Variants in EP300 observed in about 807,000 individuals in gnomAD.
EP300 encodes EP300 lysine acetyltransferase.
EP300 carries 31 observed loss-of-function variants against 264.0 expected under a neutral mutation model. The observed-to-expected ratio is 0.12, with a 90% CI of 0.09 to 0.16. The LOEUF (loss-of-function observed/expected upper bound fraction) is 0.16, where lower values mean the gene tolerates loss of function less well. EP300 is among the 10% of genes least tolerant of loss of function. EP300 has a pLI of 1.00. For missense variants in EP300, 2,766 were observed against 3,052.9 expected, an observed-to-expected ratio of 0.91 and a Z score of 2.21; for synonymous variants, 1,340 against 1,045.4, an observed-to-expected ratio of 1.28 and a Z score of -5.44.
chr22:41,098,819 C>T (rs967427176), intron 1 of EP300, among the ~76,000 whole-genome samples: 1 of 152,166 alleles, frequency 6.6e-6, no homozygotes, highest in Non-Finnish European at 1.5e-5. Context: ...GGGCCAAATA[C>T]TTAACCTGGC....
chr22:41,166,314 CT>C (rs2059133880), intron 22 of EP300, among the ~76,000 whole-genome samples: 1 of 152,220 alleles, frequency 6.6e-6, no homozygotes, highest in African/African-American at 2.4e-5. Context: ...TTTTTCTCCC[CT>C]ATCACATTAG....
Position 41,179,287 on chromosome 22 carries a change from TA to T in EP300, c.*332del, listed in dbSNP as rs902172354. On this transcript the variant is annotated 3_prime_UTR_variant, in exon 31 of 31. Coordinates refer to ENST00000263253, the MANE Select transcript of EP300 (RefSeq NM_001429.4). ...GCCTTGCACCTCCAATAGGTTTTAT[TA>T]TTTTTTTTAAATTAATGAACATATG... The T allele has an allele frequency of 7.6e-5, 23 of 303,110 alleles. No individual in the cohort carries two copies. The Admixed American group carries it at 8.2e-4, about 11-fold the overall frequency. The allele number at this position is 303,110 out of a possible 1,614,324, so 18.8% of individuals were successfully genotyped here.
chr22:41,144,689 A>G (rs2059001169), intron 10 of EP300, among the ~76,000 whole-genome samples: 1 of 152,096 alleles, frequency 6.6e-6, no homozygotes, highest in Non-Finnish European at 1.5e-5. Flanking sequence ...TAGTATCAAG[A>G]TGTTCCTTTA....
intron 10 of EP300, among the ~76,000 whole-genome samples, chr22:41,142,005 A>G (rs2058985401): frequency 6.6e-6 from 1 of 152,194 alleles, no homozygotes; most frequent in Admixed American, 6.5e-5. Context: ...TTACATTTTG[A>G]CAGCTTCAGT....
chr22:41,135,151 C>G (rs138838473), intron 6 of EP300, among the ~76,000 whole-genome samples: 2 of 152,150 alleles, frequency 1.3e-5, no homozygotes, highest in Non-Finnish European at 2.9e-5. Context: ...CCGCCCACCT[C>G]GGCCTCCCAA....
intron 1 of EP300, among the ~76,000 whole-genome samples, chr22:41,101,383 T>G (rs1312104522): frequency 6.6e-6 from 1 of 151,486 alleles, no homozygotes; most frequent in Admixed American, 6.6e-5. Flanking sequence ...TTAAGCATAA[T>G]TTTTTCTATT....
chr22:41,152,887 A>G (rs879610789), intron 16 of EP300, among the ~76,000 whole-genome samples: 4 of 152,068 alleles, frequency 2.6e-5, no homozygotes, highest in Non-Finnish European at 4.4e-5. Flanking sequence ...CCTCCCGAGT[A>G]TCTGGGACTG....
At chr22:41,167,786 G>C (rs1373727171) in intron 23 of EP300, among the ~76,000 whole-genome samples, 1 of 129,232 alleles carries the variant, frequency 7.7e-6, no homozygotes, top group African/African-American at 2.9e-5. Flanking sequence ...CTTGTCTCCT[G>C]GCCATTGTTC....
At chr22:41,173,888 G>T in intron 29 of EP300, 104 bp downstream of exon 29, 9 of 1,357,444 alleles carry the variant, frequency 6.6e-6, no homozygotes, top group Non-Finnish European at 8.4e-6. Context: ...AAGGCGGGTG[G>T]ATCACCTGAG....
intron 13 of EP300, among the ~76,000 whole-genome samples, 177 bp from the exon 14 acceptor site, chr22:41,149,584 G>C (rs2059031313): frequency 6.6e-6 from 1 of 152,138 alleles, no homozygotes; most frequent in Non-Finnish European, 1.5e-5. Context: ...GTACTATCTT[G>C]ATGGTGCTGT....
chr22:41,137,609 C>T, intron 7 of EP300, 44 bp from the exon 8 acceptor site: 1 of 1,613,628 alleles, frequency 6.2e-7, no homozygotes. Context: ...GAGGTCTTCT[C>T]CTACCTTTCT....
At chr22:41,176,659 A>G (rs2059202332) in intron 30 of EP300, 114 bp from the exon 31 acceptor site, 2 of 1,609,838 alleles carry the variant, frequency 1.2e-6, no homozygotes, top group Admixed American at 3.3e-5. Context: ...GCAGAGCTGA[A>G]GAGGCTAGTT....
At chr22:41,094,503 C>T (rs1035341115) in intron 1 of EP300, among the ~76,000 whole-genome samples, 1 of 152,198 alleles carries the variant, frequency 6.6e-6, no homozygotes, top group Admixed American at 6.5e-5. Context: ...AGGCTTGTAA[C>T]ATTGATTATG....
intron 1 of EP300, among the ~76,000 whole-genome samples, chr22:41,114,178 G>T (rs1012200443): frequency 5.9e-5 from 9 of 151,610 alleles, no homozygotes; most frequent in Non-Finnish European, 8.8e-5. Flanking sequence ...GGTATTTGTT[G>T]TTGTTGTTGT....
Position 41,178,422 on chromosome 22 carries a change from A to G in EP300, c.6711A>G (p.Gly2237=), listed in dbSNP as rs1270696495. The part of the protein sequence containing the change: ...MQHHMQQMQQ[G]NMGQIGQLPQ... ...ATCACATGCAACAGATGCAACAAGG[A>G]AATATGGGACAGATAGGCCAGCTTC... The change falls in exon 31 of 31, where the codon GGA becomes GGG. Residue 2237 remains glycine, a synonymous_variant. Coordinates refer to ENST00000263253, the MANE Select transcript of EP300 (RefSeq NM_001429.4). 6.2e-7 allele frequency: 1 copy of G among 1,614,126 alleles called. No individual in the cohort carries two copies. The highest frequency in any genetic ancestry group is 8.5e-7 in the Non-Finnish European group (1 of 1,180,016).
In EP300 at chr22:41,178,118, T is replaced by C. The variant is rs1219302352; in HGVS notation, c.6407T>C (p.Met2136Thr). ...SNPAMQNMNP[M>T]QAGVQRAGLP... Reference sequence around the variant, plus strand: ...CCAGCCATGCAGAACATGAATCCAATGCAGGCGGGCGTTCAGAGGGCTGGC... The same window carrying C: ...CCAGCCATGCAGAACATGAATCCAACGCAGGCGGGCGTTCAGAGGGCTGGC... The change falls in exon 31 of 31, where the codon ATG (methionine) becomes ACG (threonine). Residue 2136 changes from methionine to threonine, a missense_variant. By Grantham distance (81) the Met-to-Thr change is moderately conservative. Coordinates refer to ENST00000263253, the MANE Select transcript of EP300 (RefSeq NM_001429.4). 1 of 1,614,028 alleles carries C rather than the reference T, an allele frequency of 6.2e-7. No individual in the cohort carries two copies. Among genetic ancestry groups the C allele is most frequent in the Non-Finnish European group, 8.5e-7 (1 of 1,179,990 alleles).
chr22:41,138,226 C>T lies in EP300; in HGVS notation c.1760+436C>T, dbSNP rs59050088. Among the ~76,000 whole-genome samples, 1,503 of 152,036 alleles carry T rather than the reference C, an allele frequency of 9.9e-3. 30 individuals carry two copies. Among genetic ancestry groups the T allele is most frequent in the African/African-American group, 0.034 (1,421 of 41,454 alleles). On this transcript the variant is annotated intron_variant, in intron 8 of 30. Coordinates refer to ENST00000263253, the MANE Select transcript of EP300 (RefSeq NM_001429.4). ...TTGCCCAGGCTGGAGTGCAGTGGCACGATCTTGGTTCACTGCAGACTTCGC... is the reference window on the plus strand; with the variant it reads ...TTGCCCAGGCTGGAGTGCAGTGGCATGATCTTGGTTCACTGCAGACTTCGC...
intron 2 of EP300, among the ~76,000 whole-genome samples, chr22:41,118,804 AAAAAAAG>A (rs1300984484): frequency 4.3e-5 from 4 of 93,686 alleles, no homozygotes; most frequent in Admixed American, 1.5e-4. Flanking sequence ...GGGGAAAAAA[AAAAAAAG>A]AACCTTGATG....
intron 1 of EP300, among the ~76,000 whole-genome samples, chr22:41,114,517 C>T (rs1196960817): frequency 6.6e-6 from 1 of 152,108 alleles, no homozygotes; most frequent in African/African-American, 2.4e-5. Flanking sequence ...TATGATATTT[C>T]AAAAGGAAAG....
Sources: allele counts gnomAD v4.1 joint callset (sites outside exome capture counted in the v4.1 genomes callset), GRCh38; gene constraint gnomAD v4.1.1; transcripts MANE v1.5; gene names NCBI Gene and HGNC (gene_info 2026-07-23, HGNC 2026-07-21).